Variants in SLC2A9 observed in about 807,000 individuals in gnomAD.
SLC2A9 encodes the protein solute carrier family 2, facilitated glucose transporter member 9.
SLC2A9 carries 39 observed loss-of-function variants against 50.6 expected under a neutral mutation model. The ratio of observed to expected loss-of-function variants is 0.77; its 90% CI spans 0.60 to 1.01. The LOEUF is 1.01. Ranked by LOEUF, SLC2A9 falls within the 50% of genes least tolerant of loss-of-function variation. The pLI, the probability that SLC2A9 is intolerant of heterozygous loss-of-function variation, is 0.00. For missense variants in SLC2A9, 686 were observed against 677.6 expected (o/e 1.01, Z -0.14); for synonymous variants, 324 against 276.9 (o/e 1.17, Z -1.69).
chr4:10,020,922 G>A (rs550866810), intron 1 of SLC2A9, among the ~76,000 whole-genome samples: 11 of 152,320 alleles, frequency 7.2e-5, no homozygotes, highest in South Asian at 2.1e-4. Flanking sequence ...CTCACTGCAC[G>A]GGCAGAGGGT....
intron 2 of SLC2A9, chr4:10,006,550 G>C (rs576235313): frequency 2.6e-5 from 4 of 152,326 alleles, no homozygotes; most frequent in Admixed American, 1.3e-4. Context: ...GCCCTCTGAA[G>C]TTAGGGCCCC....
intron 5 of SLC2A9, among the ~76,000 whole-genome samples, chr4:9,959,218 A>C (rs1477333418): frequency 6.8e-5 from 2 of 29,258 alleles, no homozygotes; most frequent in African/African-American, 3.9e-4. Flanking sequence ...AATCTCTACT[A>C]AAAAAAAAAA....
At chr4:9,994,763 T>C (rs961128366) in intron 3 of SLC2A9, among the ~76,000 whole-genome samples, 1 of 152,076 alleles carries the variant, frequency 6.6e-6, no homozygotes. Flanking sequence ...TCCTATTCCA[T>C]CTGCATGGGT....
At chr4:9,890,889 A>G (rs1367042808) in intron 8 of SLC2A9, among the ~76,000 whole-genome samples, 178 bp from the exon 9 acceptor site, 1 of 152,218 alleles carries the variant, frequency 6.6e-6, no homozygotes, top group Non-Finnish European at 1.5e-5. Flanking sequence ...TGAGAAAGGA[A>G]AAAGCGAGGG....
downstream of SLC2A9, among the ~76,000 whole-genome samples, chr4:9,778,570 C>T (rs564364074): frequency 1.3e-5 from 2 of 152,306 alleles, no homozygotes; most frequent in African/African-American, 2.4e-5. Context: ...GCTTTCAATA[C>T]CTCTCCCCAC....
intron 7 of SLC2A9, among the ~76,000 whole-genome samples, chr4:9,912,306 A>G (rs1347399561): frequency 6.6e-6 from 1 of 152,118 alleles, no homozygotes; most frequent in South Asian, 2.1e-4. Flanking sequence ...TAAAAAAAAA[A>G]GAAAAGAAGA....
At chr4:9,783,400 G>T in intron 3 of SLC2A9, 2 of 1,614,136 alleles carry the variant, frequency 1.2e-6, no homozygotes, top group Non-Finnish European at 8.5e-7. Flanking sequence ...TCTGGGAGCT[G>T]GACTGCGAGG....
At chr4:9,850,441 G>A (rs540424241) in intron 10 of SLC2A9, among the ~76,000 whole-genome samples, 2 of 152,280 alleles carry the variant, frequency 1.3e-5, no homozygotes, top group Admixed American at 1.3e-4. Context: ...AGAGCAGGGT[G>A]GCCTTGCCTG....
intron 5 of SLC2A9, among the ~76,000 whole-genome samples, chr4:9,951,151 T>C (rs7377578): frequency 0.48 from 73,403 of 152,120 alleles, 19,102 homozygotes; most frequent in African/African-American, 0.67. Context: ...GAATACTATT[T>C]AGCCATTAAA....
At chr4:9,980,227 T>C (rs547606087) in intron 5 of SLC2A9, among the ~76,000 whole-genome samples, 10 of 152,240 alleles carry the variant, frequency 6.6e-5, no homozygotes, top group African/African-American at 2.4e-4. Flanking sequence ...ATATATTAAA[T>C]GAAAACACCA....
rs146522945 is a variant in SLC2A9, at chr4:9,941,604, G to A, written c.814+309C>T. ...TTCAGATGGCTTCATCTCTGTGGCT[G>A]GGAACAACTAGAGAGGTGGTAGTGA... On this transcript the variant is annotated intron_variant, in intron 6 of 11. Transcript: ENST00000264784. 2.8e-3 allele frequency among the ~76,000 whole-genome samples: 423 copies of A among 152,300 alleles called. 6 individuals are homozygous for A. Among genetic ancestry groups the A allele is most frequent in the African/African-American group, 9.9e-3 (413 of 41,576 alleles).
chr4:9,896,547 A>G (rs1246375610), intron 8 of SLC2A9, among the ~76,000 whole-genome samples: 2 of 152,196 alleles, frequency 1.3e-5, no homozygotes, highest in Non-Finnish European at 2.9e-5. Context: ...CATGTCTGTG[A>G]CTTACCTTTT....
At chr4:9,951,932 G>T (rs1578051125) in intron 5 of SLC2A9, among the ~76,000 whole-genome samples, 1 of 152,364 alleles carries the variant, frequency 6.6e-6, no homozygotes, top group East Asian at 1.9e-4. Context: ...TAAGCTGACT[G>T]CCTGGAAGGC....
At chr4:9,808,895 C>T (rs985225319) in intron 3 of SLC2A9, among the ~76,000 whole-genome samples, 1 of 152,194 alleles carries the variant, frequency 6.6e-6, no homozygotes, top group African/African-American at 2.4e-5. Context: ...GAAGGTGCAA[C>T]ACAATGACTC....
intron 5 of SLC2A9, among the ~76,000 whole-genome samples, chr4:9,950,009 A>G (rs550917214): frequency 6.6e-6 from 1 of 152,236 alleles, no homozygotes; most frequent in African/African-American, 2.4e-5. Flanking sequence ...CCTGCTGGCC[A>G]CAGCTTTACT....
At position 9,969,382 on chromosome 4, in the gene SLC2A9, G is replaced by A. The variant is rs559259017; in HGVS notation, c.681+11210C>T. ...AACTTTTATCCTATTTTCAACTATG[G>A]TAGTTTTAAATTTTTGTCATTTACA... On this transcript the variant is annotated intron_variant, in intron 5 of 11. Transcript: ENST00000264784. 3.9e-5 allele frequency among the ~76,000 whole-genome samples: 6 copies of A among 152,208 alleles called. No individual in the cohort carries two copies. The South Asian group carries it at 1.2e-3, about 32-fold the overall frequency.
chr4:10,027,646 G>T (rs1485855622), intron 1 of SLC2A9, among the ~76,000 whole-genome samples: 9 of 152,092 alleles, frequency 5.9e-5, no homozygotes, highest in Non-Finnish European at 1.2e-4. Flanking sequence ...TGCAGTGGTG[G>T]CAGCCTCCTG....
downstream of SLC2A9, among the ~76,000 whole-genome samples, chr4:9,822,783 T>C (rs1237607099): frequency 1.3e-5 from 2 of 152,182 alleles, no homozygotes; most frequent in Non-Finnish European, 2.9e-5. Flanking sequence ...ACTTTCAAGA[T>C]TTTTTCCTTT....
chr4:9,814,082 G>A (rs1723235808), intron 3 of SLC2A9, among the ~76,000 whole-genome samples: 1 of 152,238 alleles, frequency 6.6e-6, no homozygotes. Flanking sequence ...GGAGGTTGCA[G>A]TGAGCCAAGA....
Sources: allele counts gnomAD v4.1 joint callset (sites outside exome capture counted in the v4.1 genomes callset), GRCh38; gene constraint gnomAD v4.1.1; transcripts MANE v1.5; gene names NCBI Gene and HGNC (gene_info 2026-07-23, HGNC 2026-07-21).